The following CENPO variants were observed in gnomAD, a reference collection of about 807,000 sequenced individuals.
CENPO encodes centromere protein O, also known as centromeric protein O.
CENPO carries 30 observed loss-of-function variants against 36.1 expected under a neutral mutation model. The ratio of observed to expected loss-of-function variants is 0.83; its 90% CI spans 0.62 to 1.13. The LOEUF is 1.13. CENPO is among the 50% of genes most tolerant of loss of function. CENPO has a pLI of 0.00. For missense variants in CENPO, 349 were observed against 357.8 expected (o/e 0.98, Z 0.20); for synonymous variants, 171 against 142.3 (o/e 1.20, Z -1.44).
intron 3 of CENPO, among the ~76,000 whole-genome samples, chr2:24,813,322 T>C (rs1666786904): frequency 6.6e-6 from 1 of 152,220 alleles, no homozygotes; most frequent in South Asian, 2.1e-4. Flanking sequence ...AGTGTTTTTC[T>C]GGCAAGTAGA....
At chr2:24,801,388 A>G (rs1666160501) in intron 3 of CENPO, among the ~76,000 whole-genome samples, 1 of 152,190 alleles carries the variant, frequency 6.6e-6, no homozygotes, top group Non-Finnish European at 1.5e-5. Flanking sequence ...TGTTTTAGAC[A>G]TGAAGTCCTT....
At chr2:24,803,537 C>T (rs1262008848) in intron 3 of CENPO, among the ~76,000 whole-genome samples, 2 of 151,982 alleles carry the variant, frequency 1.3e-5, no homozygotes, top group African/African-American at 2.4e-5. Context: ...TGTCTTTGTT[C>T]TCGTTGGTTT....
intron 2 of CENPO, among the ~76,000 whole-genome samples, chr2:24,797,307 A>T (rs143638327): frequency 1.3e-5 from 2 of 152,312 alleles, no homozygotes; most frequent in Non-Finnish European, 2.9e-5. Context: ...AGGGGAGATG[A>T]TGAATTCAGT....
At chr2:24,816,571 A>G in intron 5 of CENPO, 75 bp from the exon 6 acceptor site, 2 of 1,033,062 alleles carry the variant, frequency 1.9e-6, no homozygotes, top group Non-Finnish European at 2.7e-6. Context: ...TGGTTGACGT[A>G]ATTGAAGGGT....
chr2:24,798,764 C>A (rs1414907138), intron 2 of CENPO, among the ~76,000 whole-genome samples: 1 of 151,618 alleles, frequency 6.6e-6, no homozygotes, highest in African/African-American at 2.4e-5. Context: ...CCGGCCCGAT[C>A]TCACATACTT....
chr2:24,820,505 C>T lies in CENPO; in HGVS notation c.*1187C>T. ...TTCATACCCAAAGGTAGGCCATATG[C>T]ATCTAGAACTTCAGCCCAGATTTTG... On this transcript the variant is annotated 3_prime_UTR_variant, in exon 8 of 8. Transcript: ENST00000380834. 1.4e-6 allele frequency: 2 copies of T among 1,408,436 alleles called. No homozygotes were observed. Among genetic ancestry groups the T allele is most frequent in the Non-Finnish European group, 1.8e-6 (2 of 1,082,562 alleles). The allele number at this position is 1,408,436 out of a possible 1,614,324, so 87.2% of individuals were successfully genotyped here.
At chr2:24,803,345 C>T (rs1265711418) in intron 3 of CENPO, among the ~76,000 whole-genome samples, 5 of 151,948 alleles carry the variant, frequency 3.3e-5, no homozygotes, top group Admixed American at 2.6e-4. Flanking sequence ...CTGCTCTGAT[C>T]TTAGTTATTT....
At chr2:24,817,466 C>CAAAAAAAA (rs57556645) in intron 6 of CENPO, among the ~76,000 whole-genome samples, 6,273 of 109,972 alleles carry the variant, frequency 0.057, 709 homozygotes, top group Non-Finnish European at 0.076. Flanking sequence ...TAGTCCAGAC[C>CAAAAAAAA]AAAAAAAAAA....
chr2:24,820,676 G>C lies in CENPO; in HGVS notation c.*1358G>C, dbSNP rs767147375. 6.2e-6 allele frequency: 10 copies of C among 1,610,792 alleles called. No homozygotes were observed. The South Asian group carries it at 1.1e-4, about 18-fold the overall frequency. On this transcript the variant is annotated 3_prime_UTR_variant, in exon 8 of 8. Transcript: ENST00000380834. ...CGTGGGAAAGCACTGTTCCGGTTTTGTTCTCATGCCGAGTCTGAGCACGTG... is the reference window on the plus strand; with the variant it reads ...CGTGGGAAAGCACTGTTCCGGTTTTCTTCTCATGCCGAGTCTGAGCACGTG...
At chr2:24,812,672 T>C (rs1050563765) in intron 3 of CENPO, among the ~76,000 whole-genome samples, 3 of 152,160 alleles carry the variant, frequency 2.0e-5, no homozygotes, top group African/African-American at 4.8e-5. Context: ...AGTTGGCTTT[T>C]AAATCTATTA....
Position 24,820,228 on chromosome 2 carries a change from CGG to C in CENPO, c.*912_*913del. 1 of 1,201,076 alleles carries C rather than the reference CGG, an allele frequency of 8.3e-7. No individual in the cohort carries two copies. The highest frequency in any genetic ancestry group is 1.1e-6 in the Non-Finnish European group (1 of 892,912). 74.4% of individuals were successfully genotyped at this position (1,201,076 alleles called of 1,614,324 possible). On this transcript the variant is annotated 3_prime_UTR_variant, in exon 8 of 8. Transcript: ENST00000380834. ...ACTGATCCATGGGTCCCAAGCAGTA[CGG>C]GACACTCCCCAAACCTCCCAGGGCC...
At chr2:24,817,417 CCA>C (rs535419783) in intron 6 of CENPO, among the ~76,000 whole-genome samples, 21 of 147,604 alleles carry the variant, frequency 1.4e-4, no homozygotes, top group Admixed American at 1.2e-3. Flanking sequence ...ATTCCAGTCC[CCA>C]GTCTCTAGAT....
In CENPO at chr2:24,793,854, A is replaced by T; in HGVS notation, c.-66A>T. 1 of 1,612,108 alleles carries T rather than the reference A, an allele frequency of 6.2e-7. No homozygotes were observed. The highest frequency in any genetic ancestry group is 8.5e-7 in the Non-Finnish European group (1 of 1,178,300). ...TGTTGCCATTTTTCTTTTATTAGCA[A>T]GGACATTGGAGTCCCTATCACCGGT... On this transcript the variant is annotated splice_region_variant and 5_prime_UTR_variant, in exon 2 of 8. It adds an upstream start codon to the 5' untranslated region. Coordinates refer to ENST00000380834, the MANE Select transcript of CENPO (RefSeq NM_001322101.2).
At position 24,799,693 on chromosome 2, in the gene CENPO, A is replaced by G. The variant is rs761572739; in HGVS notation, c.65A>G (p.Glu22Gly). Residue 22 changes from glutamate to glycine, a missense_variant, in exon 3 of 8, where the codon GAA becomes GGA. Glu to Gly is a moderately conservative substitution (Grantham distance 98). Transcript: ENST00000380834. ...TCCTTAGGTGTTTTAGCTCACTTGG[A>G]AAGGCTAGAGACCCAAGTGAGCAGA... ...ESKGGVLAHL[E>G]RLETQVSRSR... The G allele has an allele frequency of 6.8e-6, 11 of 1,613,186 alleles. No individual in the cohort carries two copies. Among genetic ancestry groups the G allele is most frequent in the Non-Finnish European group, 8.5e-6 (10 of 1,179,616 alleles).
chr2:24,815,587 TTGTCATACA>T lies in CENPO; in HGVS notation c.426_434del (p.Val143_Gln145del), dbSNP rs1187700045. On this transcript the variant is annotated inframe_deletion, in exon 5 of 8. Coordinates refer to ENST00000380834, the MANE Select transcript of CENPO (RefSeq NM_001322101.2). ...CTATTGGATTCCTATTTTGTGGACC[TTGTCATACA>T]GAAACCACTCCGGATACATCACCAT... 2 of 1,614,086 alleles carry T rather than the reference TTGTCATACA, an allele frequency of 1.2e-6. No homozygotes were observed. Among genetic ancestry groups the T allele is most frequent in the Non-Finnish European group, 1.7e-6 (2 of 1,179,948 alleles).
At chr2:24,818,569 G>A (rs1356435601) in intron 7 of CENPO, among the ~76,000 whole-genome samples, 1 of 152,180 alleles carries the variant, frequency 6.6e-6, no homozygotes, top group Non-Finnish European at 1.5e-5. Flanking sequence ...TCAGAGTTCA[G>A]TGTGTCTCAT....
At chr2:24,818,390 T>A (rs1550112) in intron 7 of CENPO, among the ~76,000 whole-genome samples, 105,599 of 150,370 alleles carry the variant, frequency 0.7, 38,018 homozygotes, top group Admixed American at 0.81. Flanking sequence ...TTTTTTTTTT[T>A]TAAAAGGAAA....
At chr2:24,802,978 G>A (rs375177654) in intron 3 of CENPO, among the ~76,000 whole-genome samples, 4 of 152,010 alleles carry the variant, frequency 2.6e-5, no homozygotes, top group East Asian at 1.9e-4. Context: ...TTGGTTGGTA[G>A]GCTATTAATT....
Position 24,815,637 on chromosome 2 carries a change from A to C in CENPO, c.475A>C (p.Ile159Leu), listed in dbSNP as rs1666906605. Residue 159 changes from isoleucine to leucine, a missense_variant, in exon 5 of 8, where the codon ATT becomes CTT. Ile to Leu is a conservative substitution (Grantham distance 5). Transcript: ENST00000380834. Reference sequence around the variant, plus strand: ...ACATCACCATTCAGTCCCAGTCTTCATTCCCCTGGAAGAGATAGCTGCAAA... The same window carrying C: ...ACATCACCATTCAGTCCCAGTCTTCCTTCCCCTGGAAGAGATAGCTGCAAA... ...RIHHHSVPVF[I>L]PLEEIAAKYL... is the part of the protein sequence containing the mutation. The C allele has an allele frequency of 6.2e-7, 1 of 1,614,064 alleles. No homozygotes were observed. The highest frequency in any genetic ancestry group is 8.5e-7 in the Non-Finnish European group (1 of 1,180,034).
Sources: gnomAD v4.1 joint callset for allele counts (sites outside exome capture counted in the v4.1 genomes callset) on GRCh38, gnomAD v4.1.1 for gene constraint, MANE v1.5 for transcripts, NCBI Gene and HGNC (gene_info 2026-07-23, HGNC 2026-07-21) for gene names.